CBFA2T2: variants seen among roughly 807,000 people sequenced by gnomAD.
CBFA2T2 encodes the protein CBFA2/RUNX1 partner transcriptional co-repressor 2.
A neutral mutation model predicts 62.2 loss-of-function variants in CBFA2T2; 11 were observed. The ratio of observed to expected loss-of-function variants is 0.18; its 90% CI spans 0.11 to 0.29. The LOEUF (loss-of-function observed/expected upper bound fraction) is 0.29, where lower values mean the gene tolerates loss of function less well. Among genes scored for constraint, CBFA2T2 ranks in the 10% least tolerant of loss-of-function variants. The probability of loss-of-function intolerance (pLI) is 1.00; values close to 1 mark genes in which losing one functional copy is unlikely to be tolerated. For missense variants in CBFA2T2, 592 were observed against 774.1 expected (o/e 0.76, Z 2.79); for synonymous variants, 295 against 287.5 (o/e 1.03, Z -0.27).
At chr20:33,597,348 C>G (rs920873085) in intron 1 of CBFA2T2, among the ~76,000 whole-genome samples, 1 of 152,140 alleles carries the variant, frequency 6.6e-6, no homozygotes, top group Non-Finnish European at 1.5e-5. Flanking sequence ...TTCTAAGATT[C>G]AATTTAGGAA....
chr20:33,604,292 G>A (rs976689857), intron 1 of CBFA2T2, among the ~76,000 whole-genome samples: 2 of 152,136 alleles, frequency 1.3e-5, no homozygotes, highest in African/African-American at 2.4e-5. Context: ...TGTATACCTT[G>A]CAGTGATTTA....
chr20:33,620,183 A>G (rs1168840050), intron 4 of CBFA2T2, among the ~76,000 whole-genome samples: 1 of 152,132 alleles, frequency 6.6e-6, no homozygotes, highest in East Asian at 1.9e-4. Context: ...GCCATGTTAT[A>G]TATGTTATAT....
intron 1 of CBFA2T2, among the ~76,000 whole-genome samples, chr20:33,597,359 A>G (rs530770925): frequency 6.6e-6 from 1 of 152,270 alleles, no homozygotes; most frequent in East Asian, 1.9e-4. Flanking sequence ...AATTTAGGAA[A>G]AGTTACTCAA....
intron 1 of CBFA2T2, among the ~76,000 whole-genome samples, chr20:33,517,002 C>G (rs924578486): frequency 6.6e-6 from 1 of 152,196 alleles, no homozygotes; most frequent in African/African-American, 2.4e-5. Context: ...TGAGATCACA[C>G]CTTTCAGAGA....
chr20:33,573,255 A>C (rs1442010441), intron 1 of CBFA2T2, among the ~76,000 whole-genome samples: 1 of 152,118 alleles, frequency 6.6e-6, no homozygotes, highest in Non-Finnish European at 1.5e-5. Context: ...CCTAAAATGT[A>C]TGTTTATGTA....
intron 1 of CBFA2T2, chr20:33,562,506 G>A (rs962571155): frequency 6.1e-6 from 6 of 985,764 alleles, no homozygotes; most frequent in Non-Finnish European, 7.2e-6. Context: ...GTGAGAAATC[G>A]CAGATGTGAG....
intron 4 of CBFA2T2, 55 bp downstream of exon 4, chr20:33,619,661 TAATCCCTGTTACGTGATTTA>T: frequency 7.9e-7 from 1 of 1,262,968 alleles, no homozygotes; most frequent in South Asian, 1.3e-5. Context: ...CAAATTCTGC[TAATCCCTGTTACGTGATTTA>T]AATCAGAGCC....
intron 1 of CBFA2T2, among the ~76,000 whole-genome samples, chr20:33,589,012 C>T (rs994123378): frequency 6.6e-5 from 10 of 152,028 alleles, no homozygotes; most frequent in Non-Finnish European, 1.3e-4. Context: ...AAATACATCC[C>T]TTCCCCTAAA....
At position 33,649,973 on chromosome 20, in the gene CBFA2T2, G is replaced by T. The variant is rs1465360200; in HGVS notation, c.*5327G>T. Reference sequence around the variant, plus strand: ...TGTACTGTATAAATGAACCAAAACTGTTAAATATGTATTTAGTTTGTTCTA... The same window carrying T: ...TGTACTGTATAAATGAACCAAAACTTTTAAATATGTATTTAGTTTGTTCTA... On this transcript the variant is annotated 3_prime_UTR_variant, in exon 11 of 11. Coordinates refer to ENST00000342704, the MANE Select transcript of CBFA2T2 (RefSeq NM_001032999.3). 1 of 152,612 alleles carries T rather than the reference G, an allele frequency of 6.6e-6. No homozygotes were observed. The allele number at this position is 152,612 out of a possible 1,614,324, so 9.5% of individuals were successfully genotyped here.
chr20:33,524,082 T>G (rs985808522), intron 1 of CBFA2T2, among the ~76,000 whole-genome samples: 1 of 152,068 alleles, frequency 6.6e-6, no homozygotes, highest in African/African-American at 2.4e-5. Context: ...CCTCTTTTTT[T>G]GTTTTCTCGT....
At chr20:33,604,361 T>C (rs1440647086) in intron 1 of CBFA2T2, among the ~76,000 whole-genome samples, 1 of 152,206 alleles carries the variant, frequency 6.6e-6, no homozygotes, top group Non-Finnish European at 1.5e-5. Flanking sequence ...TCACTCATTT[T>C]ACATATGTTG....
chr20:33,557,912 C>T (rs957139518), intron 1 of CBFA2T2, among the ~76,000 whole-genome samples: 1 of 151,726 alleles, frequency 6.6e-6, no homozygotes, highest in Non-Finnish European at 1.5e-5. Flanking sequence ...CTCGGCTCAC[C>T]GCAACCTCCG....
At chr20:33,526,266 G>T (rs1395239619) in intron 1 of CBFA2T2, among the ~76,000 whole-genome samples, 5 of 152,058 alleles carry the variant, frequency 3.3e-5, no homozygotes, top group Non-Finnish European at 5.9e-5. Flanking sequence ...TAAGGCTATT[G>T]AAATTTAAAA....
chr20:33,500,435 G>A (rs929393645), intron 1 of CBFA2T2, among the ~76,000 whole-genome samples: 5 of 151,900 alleles, frequency 3.3e-5, no homozygotes, highest in East Asian at 1.9e-4. Flanking sequence ...CAGGCCAGGC[G>A]CGGTGGCTCA....
At chr20:33,554,600 C>CTTTTTTTTTTTTT (rs752877501) in intron 1 of CBFA2T2, among the ~76,000 whole-genome samples, 25 of 56,268 alleles carry the variant, frequency 4.4e-4, no homozygotes, top group Admixed American at 8.8e-4. Flanking sequence ...TTTTTCTTTT[C>CTTTTTTTTTTTTT]TTTTTTTTTT....
intron 1 of CBFA2T2, among the ~76,000 whole-genome samples, chr20:33,554,406 G>T (rs901095602): frequency 6.6e-6 from 1 of 151,308 alleles, no homozygotes; most frequent in Non-Finnish European, 1.5e-5. Context: ...GTGCCACCTG[G>T]CCCAGCTAGG....
At chr20:33,584,958 T>A (rs1332204536) in intron 1 of CBFA2T2, among the ~76,000 whole-genome samples, 1 of 152,172 alleles carries the variant, frequency 6.6e-6, no homozygotes, top group East Asian at 1.9e-4. Context: ...TTTGGTCTAA[T>A]TTGGGAGCAT....
intron 1 of CBFA2T2, among the ~76,000 whole-genome samples, chr20:33,548,974 G>GTCCA (rs145778204): frequency 0.011 from 1,592 of 151,544 alleles, 10 homozygotes; most frequent in Non-Finnish European, 0.012. Flanking sequence ...CTGTCCATCC[G>GTCCA]TCCATCCATC....
intron 1 of CBFA2T2, among the ~76,000 whole-genome samples, chr20:33,574,844 T>C (rs1389556560): frequency 6.6e-6 from 1 of 152,134 alleles, no homozygotes; most frequent in Non-Finnish European, 1.5e-5. Context: ...GAATTTTGGT[T>C]GTGTGGTGTG....
Sources: allele counts gnomAD v4.1 joint callset (sites outside exome capture counted in the v4.1 genomes callset), GRCh38; gene constraint gnomAD v4.1.1; transcripts MANE v1.5; gene names NCBI Gene and HGNC (gene_info 2026-07-23, HGNC 2026-07-21).